MSR1: variants seen among roughly 807,000 people sequenced by gnomAD.
MSR1 encodes macrophage scavenger receptor types I and II.
In MSR1, 53 loss-of-function variants were observed where a neutral mutation model predicts 47.2. That is an observed-to-expected ratio of 1.12 (90% CI 0.90 to 1.41). MSR1 has a LOEUF of 1.41. Ranked by LOEUF, MSR1 falls within the 40% of genes most tolerant of loss-of-function variation. MSR1 has a pLI of 0.00. For missense variants in MSR1, 786 were observed against 546.9 expected, an observed-to-expected ratio of 1.44 and a Z score of -4.36; for synonymous variants, 239 against 185.6, an observed-to-expected ratio of 1.29 and a Z score of -2.34.
chr8:16,180,871 G>C (rs537255492), intron 1 of MSR1, among the ~76,000 whole-genome samples: 2 of 152,242 alleles, frequency 1.3e-5, no homozygotes, highest in Admixed American at 6.5e-5. Flanking sequence ...ATCTGACCAA[G>C]GACTCTGTTC....
intron 8 of MSR1, among the ~76,000 whole-genome samples, chr8:16,131,201 T>G (rs1800247065): frequency 6.6e-6 from 1 of 152,172 alleles, no homozygotes; most frequent in Non-Finnish European, 1.5e-5. Context: ...AGGTGGTATC[T>G]CATTGTGCTT....
At chr8:16,126,835 A>T (rs777554426) in intron 8 of MSR1, among the ~76,000 whole-genome samples, 3 of 152,082 alleles carry the variant, frequency 2.0e-5, no homozygotes, top group Non-Finnish European at 4.4e-5. Flanking sequence ...GGGATTACAG[A>T]CATGAGCCAC....
chr8:16,186,160 G>GT (rs762539904), intron 1 of MSR1: 2 of 1,534,484 alleles, frequency 1.3e-6, no homozygotes, highest in East Asian at 2.4e-5. Flanking sequence ...CATGCTCACG[G>GT]TTTTTTGTTG....
At chr8:16,122,723 G>A (rs76974017) in intron 8 of MSR1, among the ~76,000 whole-genome samples, 1 of 151,938 alleles carries the variant, frequency 6.6e-6, no homozygotes, top group Admixed American at 6.6e-5. Context: ...GAAACAGATA[G>A]TGCTGCTGAT....
At chr8:16,130,785 A>C (rs1010146506) in intron 8 of MSR1, among the ~76,000 whole-genome samples, 1 of 151,776 alleles carries the variant, frequency 6.6e-6, no homozygotes, top group South Asian at 2.1e-4. Flanking sequence ...CTCCAGTTCC[A>C]ACCATATTCC....
chr8:16,182,671 T>C (rs1400739767), intron 1 of MSR1, among the ~76,000 whole-genome samples: 1 of 151,952 alleles, frequency 6.6e-6, no homozygotes, highest in Non-Finnish European at 1.5e-5. Context: ...TGCCACTGTC[T>C]TCCCCTCCAT....
chr8:16,148,630 A>G (rs1800763223), intron 7 of MSR1, among the ~76,000 whole-genome samples: 1 of 151,888 alleles, frequency 6.6e-6, no homozygotes, highest in Non-Finnish European at 1.5e-5. Flanking sequence ...TTTGGTAGAG[A>G]CACGGTTTCA....
chr8:16,121,246 A>G (rs1469772913), intron 8 of MSR1: 2 of 384,594 alleles, frequency 5.2e-6, no homozygotes, highest in South Asian at 2.0e-5. Context: ...AAAATCAGAC[A>G]ATTTTGTTTA....
intron 7 of MSR1, among the ~76,000 whole-genome samples, chr8:16,147,558 G>T (rs902774400): frequency 1.3e-5 from 2 of 152,018 alleles, no homozygotes; most frequent in Admixed American, 1.3e-4. Flanking sequence ...TCACAAATTG[G>T]GGTCTTAGCT....
chr8:16,135,762 G>A (rs573087057), intron 8 of MSR1, among the ~76,000 whole-genome samples: 12 of 152,254 alleles, frequency 7.9e-5, no homozygotes, highest in Non-Finnish European at 2.9e-5. Context: ...TATAATTCAT[G>A]GGAGAAGGTC....
intron 8 of MSR1, among the ~76,000 whole-genome samples, chr8:16,127,505 T>C (rs17677227): frequency 0.044 from 6,764 of 152,258 alleles, 246 homozygotes; most frequent in East Asian, 0.12. Context: ...GTAATTATCT[T>C]TTCGGGTTAG....
In MSR1 at chr8:16,154,036, C is replaced by T. The variant is rs554726328; in HGVS notation, c.898+1028G>A. Among the ~76,000 whole-genome samples, 3 of 151,796 alleles carry T rather than the reference C, an allele frequency of 2.0e-5. No homozygotes were observed. In the East Asian group the frequency reaches 5.8e-4, roughly 29 times the overall value. ...ACATGTGTACCTGGATGTATATCAT[C>T]TATCTTCACATATAATATGCCATAT... On this transcript the variant is annotated intron_variant, in intron 6 of 9. Coordinates refer to ENST00000262101, the MANE Select transcript of MSR1 (RefSeq NM_138715.3).
At chr8:16,179,927 T>C (rs1483573566) in intron 1 of MSR1, among the ~76,000 whole-genome samples, 2 of 151,254 alleles carry the variant, frequency 1.3e-5, no homozygotes, top group Admixed American at 1.3e-4. Context: ...TATTTACTTA[T>C]TTTGAGACGG....
chr8:16,143,891 A>T (rs1470380238), intron 7 of MSR1, among the ~76,000 whole-genome samples: 1 of 152,000 alleles, frequency 6.6e-6, no homozygotes, highest in Non-Finnish European at 1.5e-5. Context: ...TTTTGTACTT[A>T]TTTATCCTCC....
chr8:16,176,743 T>G (rs1417032849), intron 2 of MSR1, among the ~76,000 whole-genome samples: 1 of 152,120 alleles, frequency 6.6e-6, no homozygotes, highest in Admixed American at 6.6e-5. Flanking sequence ...CCGATGTCTC[T>G]CTCCTCCTTC....
intron 9 of MSR1, among the ~76,000 whole-genome samples, chr8:16,117,008 C>A (rs1157168690): frequency 6.6e-6 from 1 of 152,104 alleles, no homozygotes; most frequent in Non-Finnish European, 1.5e-5. Context: ...ATGAAAAAGC[C>A]TCACCTCAGC....
At chr8:16,152,839 G>A (rs1800897839) in intron 6 of MSR1, among the ~76,000 whole-genome samples, 1 of 151,968 alleles carries the variant, frequency 6.6e-6, no homozygotes. Context: ...CAGAGATTCT[G>A]TATCTGTTTA....
chr8:16,117,185 T>C (rs1799895712), intron 9 of MSR1, among the ~76,000 whole-genome samples: 1 of 152,104 alleles, frequency 6.6e-6, no homozygotes, highest in Admixed American at 6.5e-5. Context: ...TCACTCACAT[T>C]ACCGCCTGAG....
intron 7 of MSR1, among the ~76,000 whole-genome samples, chr8:16,144,403 C>T (rs1397306767): frequency 6.6e-6 from 1 of 151,992 alleles, no homozygotes; most frequent in African/African-American, 2.4e-5. Context: ...TAATTACTAC[C>T]TTGACATAAA....
Sources: gnomAD v4.1 joint callset for allele counts (sites outside exome capture counted in the v4.1 genomes callset) on GRCh38, gnomAD v4.1.1 for gene constraint, MANE v1.5 for transcripts, NCBI Gene and HGNC (gene_info 2026-07-23, HGNC 2026-07-21) for gene names.